PARD3: variants seen among roughly 807,000 people sequenced by gnomAD.
The protein encoded by PARD3 is par-3 family cell polarity regulator.
In PARD3, 75 loss-of-function variants were observed where a neutral mutation model predicts 155.4. The observed-to-expected ratio is 0.48, with a 90% confidence interval of 0.40 to 0.58. PARD3 has a LOEUF of 0.58. Among genes scored for constraint, PARD3 ranks in the 20% least tolerant of loss-of-function variants. The pLI, the probability that PARD3 is intolerant of heterozygous loss-of-function variation, is 0.00. For synonymous variants in PARD3, 576 were observed against 610.5 expected, an observed-to-expected ratio of 0.94 and a Z score of 0.83; for missense variants, 1,642 against 1,721.7, an observed-to-expected ratio of 0.95 and a Z score of 0.82.
intron 7 of PARD3, among the ~76,000 whole-genome samples, chr10:34,387,059 G>T (rs1207037457): frequency 6.6e-6 from 1 of 152,000 alleles, no homozygotes; most frequent in Non-Finnish European, 1.5e-5. Context: ...CTATAAACCA[G>T]ACACACTTTG....
chr10:34,531,780 A>G (rs1460135071), intron 2 of PARD3, among the ~76,000 whole-genome samples: 1 of 152,174 alleles, frequency 6.6e-6, no homozygotes, highest in African/African-American at 2.4e-5. Flanking sequence ...CATTTCCAGC[A>G]TCACTAGTGG....
intron 22 of PARD3, among the ~76,000 whole-genome samples, chr10:34,158,596 C>T (rs946057928): frequency 4.6e-5 from 7 of 152,174 alleles, no homozygotes; most frequent in African/African-American, 1.2e-4. Context: ...TATAAGAAAC[C>T]GGGTCCCAAG....
chr10:34,321,961 T>TCC (rs77525508), intron 19 of PARD3, among the ~76,000 whole-genome samples: 11 of 150,426 alleles, frequency 7.3e-5, no homozygotes, highest in East Asian at 2.0e-4. Context: ...AGAGTCTATT[T>TCC]CCCCCCCCCA....
At chr10:34,493,016 C>G (rs577029031) in intron 3 of PARD3, among the ~76,000 whole-genome samples, 1 of 152,266 alleles carries the variant, frequency 6.6e-6, no homozygotes, top group South Asian at 2.1e-4. Context: ...TGTATATCCA[C>G]AAAGCAAGAT....
chr10:34,327,953 C>G (rs1835210337), intron 19 of PARD3, among the ~76,000 whole-genome samples: 1 of 152,164 alleles, frequency 6.6e-6, no homozygotes, highest in Non-Finnish European at 1.5e-5. Flanking sequence ...AATGCAGGAG[C>G]ATAGCCACAG....
intron 1 of PARD3, among the ~76,000 whole-genome samples, chr10:34,774,534 ATT>A (rs899788996): frequency 6.6e-6 from 1 of 152,232 alleles, no homozygotes; most frequent in African/African-American, 2.4e-5. Flanking sequence ...AAAAATACAT[ATT>A]GTTAATTATT....
chr10:34,691,514 C>T (rs1474680701), intron 2 of PARD3, among the ~76,000 whole-genome samples: 1 of 152,220 alleles, frequency 6.6e-6, no homozygotes, highest in Non-Finnish European at 1.5e-5. Context: ...AATGGCCACA[C>T]TGTCCAAAGC....
At chr10:34,745,427 GGAGGGAAAGAGA>G (rs929330831) in intron 1 of PARD3, among the ~76,000 whole-genome samples, 221 of 64,624 alleles carry the variant, frequency 3.4e-3, no homozygotes, top group African/African-American at 9.7e-3. Flanking sequence ...AGGAAGGGAG[GGAGGGAAAGAGA>G]GAGGGAAAGA....
At chr10:34,450,623 T>C (rs2077004777) in intron 4 of PARD3, among the ~76,000 whole-genome samples, 175 bp from the exon 5 acceptor site, 2 of 152,132 alleles carry the variant, frequency 1.3e-5, no homozygotes, top group Admixed American at 6.5e-5. Flanking sequence ...CTCGGAATTA[T>C]AACCATGTGC....
At chr10:34,579,391 G>T (rs1348400027) in intron 2 of PARD3, among the ~76,000 whole-genome samples, 1 of 152,100 alleles carries the variant, frequency 6.6e-6, no homozygotes, top group African/African-American at 2.4e-5. Flanking sequence ...GCTGTCAGGT[G>T]AGCCCTTCCG....
chr10:34,812,910 A>G (rs985783261), intron 1 of PARD3, among the ~76,000 whole-genome samples: 1 of 152,128 alleles, frequency 6.6e-6, no homozygotes, highest in Admixed American at 6.5e-5. Context: ...GTTAATAAGG[A>G]CCAGGTCCGT....
chr10:34,167,240 A>G (rs1949574747), intron 22 of PARD3, among the ~76,000 whole-genome samples: 1 of 152,182 alleles, frequency 6.6e-6, no homozygotes, highest in Non-Finnish European at 1.5e-5. Context: ...GTTTGACTAT[A>G]ATAAAGTATC....
At chr10:34,142,976 T>G (rs1456008387) in intron 22 of PARD3, among the ~76,000 whole-genome samples, 1 of 152,056 alleles carries the variant, frequency 6.6e-6, no homozygotes, top group Non-Finnish European at 1.5e-5. Context: ...ATGTTACAGG[T>G]GAAAAATCTT....
chr10:34,784,236 C>A (rs987382739), intron 1 of PARD3, among the ~76,000 whole-genome samples: 1 of 151,800 alleles, frequency 6.6e-6, no homozygotes, highest in African/African-American at 2.4e-5. Flanking sequence ...CATCAGTATT[C>A]TAAAAAGTTA....
intron 20 of PARD3, among the ~76,000 whole-genome samples, chr10:34,289,783 T>C (rs1956585545): frequency 6.6e-6 from 1 of 152,192 alleles, no homozygotes; most frequent in Non-Finnish European, 1.5e-5. Context: ...CAAACTAATC[T>C]GCTAAATGGG....
intron 1 of PARD3, among the ~76,000 whole-genome samples, chr10:34,730,930 A>G (rs1393920174): frequency 6.6e-6 from 1 of 152,238 alleles, no homozygotes; most frequent in Non-Finnish European, 1.5e-5. Context: ...TCTCTTGTGA[A>G]ATTCTTAAAC....
At chr10:34,345,488 T>A in intron 15 of PARD3, 1 of 985,062 alleles carries the variant, frequency 1.0e-6, no homozygotes, top group Non-Finnish European at 1.2e-6. Flanking sequence ...TACCTCAACC[T>A]CCACTAATGT....
chr10:34,130,682 T>C (rs1010778292), intron 23 of PARD3, among the ~76,000 whole-genome samples: 1 of 152,174 alleles, frequency 6.6e-6, no homozygotes, highest in Non-Finnish European at 1.5e-5. Context: ...TCTGAAGTTT[T>C]TTCACTCTGG....
At chr10:34,505,066 G>T (rs1462007944) in intron 3 of PARD3, among the ~76,000 whole-genome samples, 1 of 152,158 alleles carries the variant, frequency 6.6e-6, no homozygotes, top group Non-Finnish European at 1.5e-5. Context: ...TTATTGACCA[G>T]TGTACAATCT....
Sources: gnomAD v4.1 joint callset for allele counts (sites outside exome capture counted in the v4.1 genomes callset) on GRCh38, gnomAD v4.1.1 for gene constraint, MANE v1.5 for transcripts, NCBI Gene and HGNC (gene_info 2026-07-23, HGNC 2026-07-21) for gene names.